The following PRH1 variants were observed in gnomAD, a reference collection of about 807,000 sequenced individuals.
PRH1 encodes the protein proline rich protein HaeIII subfamily 1.
A neutral mutation model predicts 7.9 loss-of-function variants in PRH1; 7 were observed. The ratio of observed to expected loss-of-function variants is 0.89; its 90% CI spans 0.50 to 1.67. PRH1 has a LOEUF of 1.67. PRH1 is among the 40% of genes most tolerant of loss of function. The pLI is 0.00. For missense variants in PRH1, 109 were observed against 223.6 expected (o/e 0.49, Z 3.27); for synonymous variants, 45 against 80.8 (o/e 0.56, Z 2.38).
chr12:11,144,750 G>C (rs1946814487), intron 1 of PRH1, among the ~76,000 whole-genome samples: 1 of 152,216 alleles, frequency 6.6e-6, no homozygotes, highest in Non-Finnish European at 1.5e-5. Context: ...TGGGGACCCA[G>C]TGAGCTCCCA....
At chr12:10,955,782 C>T (rs1046782693) in intron 2 of PRH1, among the ~76,000 whole-genome samples, 10 of 152,044 alleles carry the variant, frequency 6.6e-5, no homozygotes, top group African/African-American at 2.4e-4. Context: ...AACAATCCTC[C>T]CAAACTACTG....
At chr12:11,019,458 C>T (rs745723177) in intron 1 of PRH1, among the ~76,000 whole-genome samples, 2 of 152,272 alleles carry the variant, frequency 1.3e-5, no homozygotes, top group Non-Finnish European at 1.5e-5. Flanking sequence ...GTTTTAGACA[C>T]CAAAAGCTAA....
At chr12:11,018,654 G>A (rs557532722) in intron 1 of PRH1, among the ~76,000 whole-genome samples, 11 of 152,160 alleles carry the variant, frequency 7.2e-5, no homozygotes, top group Admixed American at 6.5e-4. Context: ...GCCTTCCAAC[G>A]TGACACTTCA....
rs552466644 is a variant in PRH1 at position 11,090,214 on chromosome 12, A to G, written n.124-43026T>C. The stretch of plus-strand genomic sequence containing the variant: ...AAATTACAAAGTTACGGCTCATCCC[A>G]TAATTAATACATAGGGTTCACAGAT... On this transcript the variant is annotated intron_variant and non_coding_transcript_variant, in intron 1 of 4. Coordinates refer to the PRH1 transcript ENST00000541977. 1.0e-3 allele frequency among the ~76,000 whole-genome samples: 121 copies of G among 116,010 alleles called. 41 individuals are homozygous for G. The highest frequency in any genetic ancestry group is 1.9e-3 in the Non-Finnish European group (93 of 48,946). 76.1% of individuals were successfully genotyped at this position (116,010 alleles called of 152,430 possible). A position where few individuals can be genotyped will look rare whatever the true frequency, so the allele number is the denominator to read the frequency against.
intron 1 of PRH1, among the ~76,000 whole-genome samples, chr12:11,168,345 G>A (rs1464440731): frequency 3.0e-5 from 1 of 33,738 alleles, no homozygotes; most frequent in African/African-American, 1.1e-4. Context: ...GGAAGGAAGG[G>A]AAAGAAAGGA....
Position 10,882,488 on chromosome 12 carries a change from CCTT to C in PRH1, c.308_310del (p.Gln103_Gly104delinsArg). 2.7e-6 allele frequency: 4 copies of C among 1,489,620 alleles called. No individual in the cohort carries two copies. Among genetic ancestry groups the C allele is most frequent in the South Asian group, 2.4e-5 (2 of 82,510 alleles). 92.3% of individuals were successfully genotyped at this position (1,489,620 alleles called of 1,614,324 possible). ...TGGCTTTCCCTGAGGAGGTGGTGGA[CCTT>C]GTTGCTGCTGGCCTCCTTGTTGGGG... On this transcript the variant is annotated inframe_deletion, in exon 3 of 4. Coordinates refer to ENST00000543626, the MANE Select transcript of PRH1 (RefSeq NM_001393989.1).
In PRH1 at chr12:10,903,931, C is replaced by CAAAAA. The variant is rs546066515; in HGVS notation, c.-58-19661_-58-19657dup. ...AATGCAATCCCATTTACAATAGCCT[C>CAAAAA]AAAAAAAAAAAAAAAAAAAAAAACA... On this transcript the variant is annotated intron_variant, in intron 2 of 3. Coordinates refer to the PRH1 transcript ENST00000539853. 2.3e-3 allele frequency among the ~76,000 whole-genome samples: 73 copies of CAAAAA among 31,076 alleles called. 1 individual carries two copies. The highest frequency in any genetic ancestry group is 9.9e-3 in the South Asian group (4 of 406). The allele number at this position is 31,076 out of a possible 152,430, so 20.4% of individuals were successfully genotyped here.
intron 2 of PRH1, chr12:10,931,168 T>C: frequency 6.4e-7 from 1 of 1,568,720 alleles, no homozygotes; most frequent in Non-Finnish European, 8.6e-7. Context: ...GAAAAGCTGT[T>C]AATATTTCCG....
rs563188458 is a variant in PRH1 at position 11,004,586 on chromosome 12, T to C, written c.-125-30865A>G. Among the ~76,000 whole-genome samples the C allele has an allele frequency of 5.3e-5, 8 of 152,298 alleles. No individual in the cohort carries two copies. In the South Asian group the frequency reaches 1.7e-3, roughly 32 times the overall value. On this transcript the variant is annotated intron_variant, in intron 1 of 3. Coordinates refer to the PRH1 transcript ENST00000539853. ...CAGAATGCATCTTTAGTTGAAAAAT[T>C]ACATCACTCTTAATTCTATGACTAT...
intron 2 of PRH1, among the ~76,000 whole-genome samples, chr12:10,892,155 T>C (rs990193041): frequency 1.3e-5 from 2 of 152,156 alleles, no homozygotes; most frequent in African/African-American, 4.8e-5. Flanking sequence ...GCTCACCTGA[T>C]CCTAGTTGAG....
chr12:11,065,077 A>T (rs547291030), intron 1 of PRH1, among the ~76,000 whole-genome samples: 3,638 of 152,186 alleles, frequency 0.024, 64 homozygotes, highest in Non-Finnish European at 0.038. Flanking sequence ...TTTTTCTATT[A>T]TCTGAAAAAA....
intron 1 of PRH1, among the ~76,000 whole-genome samples, chr12:11,005,225 T>C (rs1038468588): frequency 6.6e-6 from 1 of 152,176 alleles, no homozygotes; most frequent in Non-Finnish European, 1.5e-5. Flanking sequence ...ATGTCCTGGC[T>C]ATAAGATGAA....
At chr12:11,154,161 G>A (rs929909625) in intron 1 of PRH1, among the ~76,000 whole-genome samples, 4 of 152,046 alleles carry the variant, frequency 2.6e-5, no homozygotes, top group African/African-American at 4.8e-5. Flanking sequence ...GGCAGTTTAC[G>A]GATACAATCA....
At chr12:11,067,219 G>C (rs1046088542) in intron 1 of PRH1, among the ~76,000 whole-genome samples, 1 of 152,000 alleles carries the variant, frequency 6.6e-6, no homozygotes, top group East Asian at 1.9e-4. Context: ...CTCCAATGCA[G>C]AATCAAAAAA....
intron 1 of PRH1, among the ~76,000 whole-genome samples, chr12:11,144,014 A>G (rs914313578): frequency 6.6e-5 from 10 of 152,166 alleles, no homozygotes; most frequent in African/African-American, 1.4e-4. Flanking sequence ...AATGGACTCC[A>G]CGGGGGTCCT....
chr12:11,159,898 T>C (rs1321107016), intron 1 of PRH1, among the ~76,000 whole-genome samples: 1 of 152,202 alleles, frequency 6.6e-6, no homozygotes, highest in Admixed American at 6.5e-5. Context: ...CTAAACCAAA[T>C]TGTTAAGAGA....
At chr12:10,931,334 A>T (rs1307604169) in intron 2 of PRH1, among the ~76,000 whole-genome samples, 1 of 152,160 alleles carries the variant, frequency 6.6e-6, no homozygotes, top group Non-Finnish European at 1.5e-5. Flanking sequence ...GAGGACATAG[A>T]ATCATGTTCT....
At chr12:11,063,176 T>A (rs914317765) in intron 1 of PRH1, among the ~76,000 whole-genome samples, 1 of 152,144 alleles carries the variant, frequency 6.6e-6, no homozygotes, top group East Asian at 1.9e-4. Flanking sequence ...TACAAAACAT[T>A]TAGCAATTGT....
chr12:10,957,057 A>C (rs751988064), intron 2 of PRH1, among the ~76,000 whole-genome samples: 1 of 151,828 alleles, frequency 6.6e-6, no homozygotes, highest in Non-Finnish European at 1.5e-5. Flanking sequence ...AATTAGAAAC[A>C]AACTATTTTA....
Sources: allele counts gnomAD v4.1 joint callset (sites outside exome capture counted in the v4.1 genomes callset), GRCh38; gene constraint gnomAD v4.1.1; transcripts MANE v1.5; gene names NCBI Gene and HGNC (gene_info 2026-07-23, HGNC 2026-07-21).